SRFBP1: variants seen among roughly 807,000 people sequenced by gnomAD.
SRFBP1 encodes the protein serum response factor-binding protein 1.
Under a neutral mutation model 45.5 loss-of-function variants are expected in SRFBP1, and 47 were observed. The observed-to-expected ratio is 1.03, with a 90% CI of 0.82 to 1.32. The LOEUF (loss-of-function observed/expected upper bound fraction) is 1.32. Among genes scored for constraint, SRFBP1 ranks in the 40% most tolerant of loss-of-function variants. The pLI is 0.00. For missense variants in SRFBP1, 621 were observed against 484.6 expected (o/e 1.28, Z -2.64); for synonymous variants, 203 against 166.3 (o/e 1.22, Z -1.70).
Position 122,075,379 on chromosome 5 carries a change from G to C in SRFBP1, n.376G>C, listed in dbSNP as rs181618825. 64 of 1,569,158 alleles carry C rather than the reference G, an allele frequency of 4.1e-5. No homozygotes were observed. The East Asian group carries it at 1.3e-3, about 33-fold the overall frequency. ...CTGAGAAATGAAAAGCAACCCAAAA[G>C]TACCCAGGAGGCCCATTTACTTACT... On this transcript the variant is annotated non_coding_transcript_exon_variant, in exon 3 of 3. Transcript: ENST00000504881.
chr5:122,077,487 C>A (rs756582597), downstream of SRFBP1: 1 of 1,613,834 alleles, frequency 6.2e-7, no homozygotes, highest in African/African-American at 1.3e-5. This position sits in a 1 kb window ranked among gnomAD's most constrained non-coding sequence, Gnocchi z 4.9. Context: ...TCGTCGCCCA[C>A]CATGCCGTCC....
intron 1 of SRFBP1, 56 bp from the exon 2 acceptor site, chr5:121,974,140 T>C: frequency 8.3e-7 from 1 of 1,197,634 alleles, no homozygotes; most frequent in Admixed American, 1.8e-5. Flanking sequence ...CAAAATAAAG[T>C]GTGTTTGTTC....
chr5:121,986,514 C>T (rs559324875), intron 3 of SRFBP1, among the ~76,000 whole-genome samples: 1 of 151,958 alleles, frequency 6.6e-6, no homozygotes, highest in African/African-American at 2.4e-5. Context: ...TTAATAGGGC[C>T]TTATTTTATT....
intron 2 of SRFBP1, among the ~76,000 whole-genome samples, chr5:122,043,860 TTTAAC>T (rs1753810143): frequency 6.6e-6 from 1 of 152,174 alleles, no homozygotes; most frequent in Non-Finnish European, 1.5e-5. Context: ...ATTTTTTTTA[TTTAAC>T]TTTTAAGTTT....
At chr5:121,985,039 T>A (rs1752484078) in intron 3 of SRFBP1, among the ~76,000 whole-genome samples, 1 of 151,870 alleles carries the variant, frequency 6.6e-6, no homozygotes, top group South Asian at 2.1e-4. Context: ...AACAAAAATA[T>A]ATGTCTATAC....
chr5:121,984,824 A>G (rs573454478), intron 3 of SRFBP1, among the ~76,000 whole-genome samples: 56 of 151,904 alleles, frequency 3.7e-4, no homozygotes, highest in African/African-American at 1.3e-3. Context: ...ATACCACACA[A>G]TCCATTATCA....
At chr5:122,046,364 A>G (rs1369747046) in intron 2 of SRFBP1, among the ~76,000 whole-genome samples, 1 of 152,140 alleles carries the variant, frequency 6.6e-6, no homozygotes, top group Admixed American at 6.6e-5. Context: ...TGTCCCTACA[A>G]AGGACATGAA....
Position 122,020,127 on chromosome 5 carries a change from C to A in SRFBP1, c.392C>A (p.Ala131Asp), listed in dbSNP as rs1690253421. Reference sequence around the variant, plus strand: ...TTTAAAGAAGCAAGACAAAATGTTGCTGAAGTTGAGTCATCAAAGAATGCT... The same window carrying A: ...TTTAAAGAAGCAAGACAAAATGTTGATGAAGTTGAGTCATCAAAGAATGCT... The part of the protein sequence containing the change: ...QAFKEARQNV[A>D]EVESSKNASE... The change falls in exon 6 of 8, where the codon GCT becomes GAT. Residue 131 changes from alanine (A) to aspartate (D), a missense_variant. Physicochemically the swap from Ala to Asp is moderately radical, Grantham distance 126. Coordinates refer to ENST00000339397, the MANE Select transcript of SRFBP1 (RefSeq NM_152546.3). 1 of 1,584,006 alleles carries A rather than the reference C, an allele frequency of 6.3e-7. No individual in the cohort carries two copies. The highest frequency in any genetic ancestry group is 8.6e-7 in the Non-Finnish European group (1 of 1,168,332).
chr5:122,036,491 C>A (rs1016835941), intron 2 of SRFBP1, among the ~76,000 whole-genome samples: 2 of 152,184 alleles, frequency 1.3e-5, no homozygotes, highest in Admixed American at 6.5e-5. Context: ...AAGATGACCT[C>A]TGAGCCTTTT....
At position 121,978,408 on chromosome 5, in the gene SRFBP1, A is replaced by G. The variant is rs78325574; in HGVS notation, c.198+3021A>G. 4.1e-3 allele frequency among the ~76,000 whole-genome samples: 619 copies of G among 152,064 alleles called. 14 individuals are homozygous for G. In the East Asian group the frequency reaches 0.052, roughly 13 times the overall value. On this transcript the variant is annotated intron_variant, in intron 3 of 7. Transcript: ENST00000339397. ...GTAAACATGAAACTTGCCATCTAGG[A>G]AAAAAAAGACTGAAAGATGTGCAAC... is the stretch of plus-strand genomic sequence containing the variant.
chr5:121,985,908 G>A (rs775266804), intron 3 of SRFBP1, among the ~76,000 whole-genome samples: 69 of 151,870 alleles, frequency 4.5e-4, no homozygotes, highest in Non-Finnish European at 1.8e-4. Context: ...AGAGTGGGAA[G>A]GATTAGGAAT....
In SRFBP1 at chr5:122,066,891, A is replaced by G. The variant is rs983716479; in HGVS notation, n.312-8424A>G. 6 of 628,734 alleles carry G rather than the reference A, an allele frequency of 9.5e-6. No individual in the cohort carries two copies. In the African/African-American group the frequency reaches 1.1e-4, roughly 12 times the overall value. 38.9% of individuals were successfully genotyped at this position (628,734 alleles called of 1,614,324 possible). On this transcript the variant is annotated intron_variant and non_coding_transcript_variant, in intron 2 of 2. Coordinates refer to the SRFBP1 transcript ENST00000504881. ...TAAGCAGCAATCATGTTGTGAAATT[A>G]TGCAGTAGTACATCATTTTAATAAT...
At chr5:122,076,714 C>G (rs1048511310), downstream of SRFBP1, among the ~76,000 whole-genome samples, 1 of 128,508 alleles carries the variant, frequency 7.8e-6, no homozygotes, top group African/African-American at 2.6e-5. Flanking sequence ...CCACAGAAAT[C>G]TTCAAAAATA....
In SRFBP1 at chr5:122,073,141, G is replaced by T. The variant is rs79347852; in HGVS notation, n.312-2174G>T. Among the ~76,000 whole-genome samples the T allele has an allele frequency of 2.5e-4, 38 of 152,290 alleles. No homozygotes were observed. In the East Asian group the frequency reaches 7.3e-3, roughly 29 times the overall value. On this transcript the variant is annotated intron_variant and non_coding_transcript_variant, in intron 2 of 2. Transcript: ENST00000504881. ...GAATTTGCTTCCCAAGATGCCAACT[G>T]CTGATCCCTTCATACCCTCAGTTAT...
At position 122,049,256 on chromosome 5, in the gene SRFBP1, A is replaced by G. The variant is rs145577924; in HGVS notation, n.312-26059A>G. 9.0e-3 allele frequency among the ~76,000 whole-genome samples: 1,373 copies of G among 152,308 alleles called. 24 individuals are homozygous for G. The highest frequency in any genetic ancestry group is 0.052 in the East Asian group (270 of 5,176). On this transcript the variant is annotated intron_variant and non_coding_transcript_variant, in intron 2 of 2. Transcript: ENST00000504881. ...CTCTGATAAAACAGACTTTAAACCA[A>G]CAAAGATCAAAAGAGACAAAGAAGG...
At chr5:122,055,758 C>T (rs575481181) in intron 2 of SRFBP1, among the ~76,000 whole-genome samples, 33 of 152,104 alleles carry the variant, frequency 2.2e-4, no homozygotes, top group Admixed American at 1.3e-3. Context: ...TATTTAATGG[C>T]GACATGTTGG....
At chr5:122,049,939 G>A (rs1459631521) in intron 2 of SRFBP1, among the ~76,000 whole-genome samples, 1 of 151,780 alleles carries the variant, frequency 6.6e-6, no homozygotes, top group African/African-American at 2.4e-5. Context: ...ATCTATTGAG[G>A]GTTTTTAACA....
At chr5:122,023,774 T>C (rs1753412310) in intron 7 of SRFBP1, among the ~76,000 whole-genome samples, 1 of 152,192 alleles carries the variant, frequency 6.6e-6, no homozygotes, top group Non-Finnish European at 1.5e-5. Flanking sequence ...AGGCTTGTGA[T>C]TTCTTTCACT....
At chr5:122,047,298 T>A (rs1422060700) in intron 2 of SRFBP1, among the ~76,000 whole-genome samples, 1 of 152,222 alleles carries the variant, frequency 6.6e-6, no homozygotes, top group Non-Finnish European at 1.5e-5. Context: ...ATTTATTAAA[T>A]AGGGAATCGT....
Sources: gnomAD v4.1 joint callset for allele counts (sites outside exome capture counted in the v4.1 genomes callset) on GRCh38, gnomAD v4.1.1 for gene constraint, Gnocchi (gnomAD v3.1) non-coding constraint, MANE v1.5 for transcripts, NCBI Gene and HGNC (gene_info 2026-07-23, HGNC 2026-07-21) for gene names.